MED17: variants seen among roughly 807,000 people sequenced by gnomAD.
MED17 encodes the protein mediator complex subunit 17.
A neutral mutation model predicts 80.8 loss-of-function variants in MED17; 49 were observed. The observed-to-expected ratio is 0.61, with a 90% CI of 0.48 to 0.77. The LOEUF is 0.77. Ranked by LOEUF, MED17 falls within the 30% of genes least tolerant of loss-of-function variation. The pLI is 0.00. For missense variants in MED17, 718 were observed against 787.0 expected, an observed-to-expected ratio of 0.91 and a Z score of 1.05; for synonymous variants, 281 against 280.4, an observed-to-expected ratio of 1.00 and a Z score of -0.02.
At chr11:93,809,579 G>T (rs1377665780) in intron 10 of MED17, 138 bp from the exon 11 acceptor site, 2 of 869,218 alleles carry the variant, frequency 2.3e-6, no homozygotes, top group Non-Finnish European at 3.8e-6. Context: ...TTACGCACAG[G>T]AGGATTCCTC....
chr11:93,812,114 T>A lies in MED17; in HGVS notation c.*50T>A, dbSNP rs1325302708. On this transcript the variant is annotated 3_prime_UTR_variant, in exon 12 of 12. Transcript: ENST00000251871. ...AGTTTCCAGAAACTTTGACTTGAAA[T>A]GTTTGCAGATCAACTATAAGCACAA... is the stretch of plus-strand genomic sequence containing the variant. 1 of 1,469,858 alleles carries A rather than the reference T, an allele frequency of 6.8e-7. No individual in the cohort carries two copies. Among genetic ancestry groups the A allele is most frequent in the East Asian group, 2.3e-5 (1 of 44,172 alleles). The allele number at this position is 1,469,858 out of a possible 1,614,324, so 91.1% of individuals were successfully genotyped here. A position where few individuals can be genotyped will look rare whatever the true frequency, so the allele number is the denominator to read the frequency against.
intron 3 of MED17, among the ~76,000 whole-genome samples, chr11:93,792,535 C>T (rs1026471028): frequency 3.3e-5 from 5 of 152,290 alleles, no homozygotes; most frequent in Admixed American, 6.5e-5. Context: ...AAATCTTTAG[C>T]ATCTTCCCTT....
intron 7 of MED17, 44 bp from the exon 8 acceptor site, chr11:93,797,490 AT>A (rs748321200): frequency 1.3e-6 from 2 of 1,521,270 alleles, no homozygotes; most frequent in African/African-American, 2.7e-5. Context: ...ATTATGTAGC[AT>A]TTACTATGTG....
At chr11:93,803,397 T>G (rs1360785378) in intron 9 of MED17, among the ~76,000 whole-genome samples, 1 of 152,082 alleles carries the variant, frequency 6.6e-6, no homozygotes, top group Non-Finnish European at 1.5e-5. Flanking sequence ...GAATACACAA[T>G]GGACAGGAAA....
At chr11:93,799,274 C>T (rs1007744360) in intron 8 of MED17, among the ~76,000 whole-genome samples, 9 of 150,656 alleles carry the variant, frequency 6.0e-5, no homozygotes, top group Middle Eastern at 3.2e-3. Context: ...CTCTCGGGTT[C>T]AAGCGATCAT....
At chr11:93,792,493 A>C (rs1943847739) in intron 3 of MED17, among the ~76,000 whole-genome samples, 1 of 152,226 alleles carries the variant, frequency 6.6e-6, no homozygotes, top group Non-Finnish European at 1.5e-5. Flanking sequence ...TGATTATGAA[A>C]GGATTTGATC....
intron 9 of MED17, chr11:93,807,038 G>A (rs1322061479): frequency 5.8e-6 from 1 of 173,534 alleles, no homozygotes; most frequent in Non-Finnish European, 1.2e-5. Flanking sequence ...GTGGTCTATG[G>A]TATTCTGGGG....
Position 93,801,823 on chromosome 11 carries a change from T to C in MED17, c.1329-12T>C, listed in dbSNP as rs147839859. ...TGACTTAAAAAGTTTTTTAACTTCT[T>C]GTATTTAAAAGAGCTGCTGCAACCA... On this transcript the variant is annotated splice_polypyrimidine_tract_variant and intron_variant, in intron 8 of 11. Coordinates refer to ENST00000251871, the MANE Select transcript of MED17 (RefSeq NM_004268.5). 845 of 1,612,418 alleles carry C rather than the reference T, an allele frequency of 5.2e-4. 2 individuals carry two copies. The highest frequency in any genetic ancestry group is 4.5e-3 in the Middle Eastern group (26 of 5,716).
chr11:93,791,300 A>G (rs1184131513), intron 3 of MED17, among the ~76,000 whole-genome samples: 5 of 152,220 alleles, frequency 3.3e-5, no homozygotes, highest in African/African-American at 1.2e-4. Flanking sequence ...ACTTAACAGA[A>G]AGTTCAAAGA....
In MED17 at chr11:93,790,751, GT is replaced by G; in HGVS notation, c.597del (p.Gly200GlufsTer8). On this transcript the variant is annotated frameshift_variant, in exon 3 of 12. Coordinates refer to ENST00000251871, the MANE Select transcript of MED17 (RefSeq NM_004268.5). LOFTEE classifies it high-confidence loss of function. ...RLRQHWKLRK[V>X]GDKILGDLSY... ...ACGGCAACACTGGAAACTTCGAAAA[GT>G]TGGAGATAAAATTCTCGGAGATCTG... The G allele has an allele frequency of 6.2e-7, 1 of 1,614,212 alleles. No individual in the cohort carries two copies. Among genetic ancestry groups the G allele is most frequent in the Non-Finnish European group, 8.5e-7 (1 of 1,180,034 alleles).
chr11:93,785,141 G>T (rs1032822967), intron 1 of MED17, among the ~76,000 whole-genome samples: 1 of 152,224 alleles, frequency 6.6e-6, no homozygotes, highest in Non-Finnish European at 1.5e-5. Flanking sequence ...TCCTTGTGCG[G>T]TGTGAATGAT....
chr11:93,785,936 C>G (rs773680669), intron 1 of MED17, among the ~76,000 whole-genome samples: 5 of 152,140 alleles, frequency 3.3e-5, no homozygotes, highest in Non-Finnish European at 5.9e-5. Flanking sequence ...CCAGTGAGAT[C>G]AAGGCTGCAG....
rs1944112637 is a variant in MED17 at position 93,814,295 on chromosome 11, G to A, written c.*2231G>A. ...ACTAAAGCAAATGTGTGGGAAAATG[G>A]TAGCTTAGTTGCTGTGGTAGCAATT... On this transcript the variant is annotated 3_prime_UTR_variant, in exon 12 of 12. Transcript: ENST00000251871. 1 of 152,184 alleles carries A rather than the reference G, an allele frequency of 6.6e-6. No individual in the cohort carries two copies. Among genetic ancestry groups the A allele is most frequent in the Non-Finnish European group, 1.5e-5 (1 of 68,038 alleles). The allele number at this position is 152,184 out of a possible 1,614,324, so 9.4% of individuals were successfully genotyped here.
chr11:93,813,216 A>G lies in MED17; in HGVS notation c.*1152A>G, dbSNP rs557844573. 3 of 152,334 alleles carry G rather than the reference A, an allele frequency of 2.0e-5. No individual in the cohort carries two copies. The South Asian group carries it at 6.2e-4, about 32-fold the overall frequency. 9.4% of individuals were successfully genotyped at this position (152,334 alleles called of 1,614,324 possible). On this transcript the variant is annotated 3_prime_UTR_variant, in exon 12 of 12. Coordinates refer to ENST00000251871, the MANE Select transcript of MED17 (RefSeq NM_004268.5). ...AGCTCTCCTTATAAGTAAGGCTTTC[A>G]ATTTTTAAAACAGACATCCTGCTTT... is the stretch of plus-strand genomic sequence containing the variant.
intron 9 of MED17, among the ~76,000 whole-genome samples, chr11:93,805,158 T>C (rs975740495): frequency 6.6e-6 from 1 of 152,258 alleles, no homozygotes; most frequent in African/African-American, 2.4e-5. Context: ...TACAGCCTTT[T>C]TGTATTTCAT....
Position 93,794,890 on chromosome 11 carries a change from AT to A in MED17, c.860-17del. The stretch of plus-strand genomic sequence containing the variant: ...TAATATGGTTAGATAATTGATACAT[AT>A]ATTTCTTGTCTTTCAGGTTCCCCAC... On this transcript the variant is annotated splice_polypyrimidine_tract_variant and intron_variant, in intron 5 of 11. Coordinates refer to ENST00000251871, the MANE Select transcript of MED17 (RefSeq NM_004268.5). 6.2e-7 allele frequency: 1 copy of A among 1,613,116 alleles called. No individual in the cohort carries two copies. The highest frequency in any genetic ancestry group is 2.2e-5 in the East Asian group (1 of 44,874).
chr11:93,804,026 TAC>T (rs368346628), intron 9 of MED17, among the ~76,000 whole-genome samples: 1,360 of 11,000 alleles, frequency 0.12, 10 homozygotes, highest in Middle Eastern at 0.35. Flanking sequence ...TATATATATA[TAC>T]ACACACACAT....
At chr11:93,792,613 A>G (rs1489216482) in intron 3 of MED17, among the ~76,000 whole-genome samples, 2 of 152,132 alleles carry the variant, frequency 1.3e-5, no homozygotes, top group African/African-American at 2.4e-5. Context: ...CAACTTACCC[A>G]AACTCCTGAC....
intron 9 of MED17, among the ~76,000 whole-genome samples, chr11:93,803,999 G>GTATGTA (rs1943994004): frequency 3.7e-5 from 1 of 27,132 alleles, no homozygotes; most frequent in Non-Finnish European, 9.2e-5. Context: ...ATATGTGTGT[G>GTATGTA]TATATATATA....
Sources: gnomAD v4.1 joint callset for allele counts (sites outside exome capture counted in the v4.1 genomes callset) on GRCh38, gnomAD v4.1.1 for gene constraint, MANE v1.5 for transcripts, NCBI Gene and HGNC (gene_info 2026-07-23, HGNC 2026-07-21) for gene names.